The following INVS variants were observed in gnomAD, a reference collection of about 807,000 sequenced individuals.
INVS encodes inversin.
INVS carries 86 observed loss-of-function variants against 108.8 expected under a neutral mutation model. The ratio of observed to expected loss-of-function variants is 0.79; its 90% CI spans 0.66 to 0.95. The LOEUF (loss-of-function observed/expected upper bound fraction) is 0.95, where lower values mean the gene tolerates loss of function less well. Ranked by LOEUF, INVS falls within the 40% of genes least tolerant of loss-of-function variation. The probability of loss-of-function intolerance (pLI) is 0.00; values close to 1 mark genes in which losing one functional copy is unlikely to be tolerated. For missense variants in INVS, 1,169 were observed against 1,297.4 expected, an observed-to-expected ratio of 0.90 and a Z score of 1.52; for synonymous variants, 455 against 473.5, an observed-to-expected ratio of 0.96 and a Z score of 0.51.
intron 3 of INVS, among the ~76,000 whole-genome samples, chr9:100,210,135 G>T (rs1319340721): frequency 6.6e-6 from 1 of 152,164 alleles, no homozygotes; most frequent in Non-Finnish European, 1.5e-5. Flanking sequence ...TTACTACCGT[G>T]TGTCCTTACC....
Position 100,292,461 on chromosome 9 carries a change from G to A in INVS, c.2204G>A (p.Cys735Tyr), listed in dbSNP as rs375485537. Residue 735 changes from cysteine to tyrosine, a missense_variant, in exon 14 of 17, where the codon TGT becomes TAT. By Grantham distance (194) the Cys-to-Tyr change is radical. Around this residue, in one of 3 missense-constraint regions of INVS, gnomAD observed 533 missense variants for 536.0 expected, o/e 0.99. Transcript: ENST00000262457. Reference protein sequence around the residue: ...SRGETAGDERCAKGKGFVKQP... With the variant: ...SRGETAGDERYAKGKGFVKQP... ...GGTGAGACAGCTGGCGATGAGCGGT[G>A]TGCAAAGGGGAAAGGCTTCGTGAAG... 1.1e-5 allele frequency: 18 copies of A among 1,614,090 alleles called. No homozygotes were observed. Among genetic ancestry groups the A allele is most frequent in the Admixed American group, 3.3e-5 (2 of 60,010 alleles).
chr9:100,274,085 C>T (rs888967036), intron 12 of INVS, among the ~76,000 whole-genome samples: 4 of 152,110 alleles, frequency 2.6e-5, no homozygotes, highest in East Asian at 1.9e-4. Flanking sequence ...AAGCTGGGTG[C>T]GGTGGCTCAC....
At chr9:100,280,923 AC>A (rs559584639) in intron 12 of INVS, among the ~76,000 whole-genome samples, 1 of 152,308 alleles carries the variant, frequency 6.6e-6, no homozygotes. Flanking sequence ...CCTTGTCTCT[AC>A]AAAAATTTTT....
intron 3 of INVS, among the ~76,000 whole-genome samples, chr9:100,190,947 A>G (rs1349025675): frequency 6.6e-6 from 1 of 151,602 alleles, no homozygotes; most frequent in Non-Finnish European, 1.5e-5. Flanking sequence ...TGCAGCCTTG[A>G]CCTCCTGGGC....
chr9:100,208,170 G>C (rs1417975614), intron 3 of INVS, among the ~76,000 whole-genome samples: 2 of 152,172 alleles, frequency 1.3e-5, no homozygotes, highest in Admixed American at 6.5e-5. Context: ...GACAGATGAA[G>C]AGCAGTATAG....
At chr9:100,233,644 T>C (rs113002769) in intron 5 of INVS, among the ~76,000 whole-genome samples, 1 of 152,216 alleles carries the variant, frequency 6.6e-6, no homozygotes, top group South Asian at 2.1e-4. Context: ...GTTTTTGTCA[T>C]TGGTTCTGTT....
intron 7 of INVS, among the ~76,000 whole-genome samples, chr9:100,246,157 A>C (rs1832040080): frequency 6.6e-6 from 1 of 151,972 alleles, no homozygotes; most frequent in South Asian, 2.1e-4. Context: ...CCTCTCAAAA[A>C]AAAAAGAAAA....
At chr9:100,149,263 G>T (rs1391633431) in intron 3 of INVS, among the ~76,000 whole-genome samples, 1 of 152,186 alleles carries the variant, frequency 6.6e-6, no homozygotes. Flanking sequence ...GTTTTTGACT[G>T]TTGGTATGCT....
intron 2 of INVS, among the ~76,000 whole-genome samples, chr9:100,116,368 C>A (rs536384569): frequency 3.6e-4 from 55 of 152,184 alleles, no homozygotes; most frequent in African/African-American, 1.3e-3. Flanking sequence ...CTCTGCCTCC[C>A]AAAGTGCTGG....
At chr9:100,209,809 C>T (rs1355945846) in intron 3 of INVS, among the ~76,000 whole-genome samples, 1 of 148,978 alleles carries the variant, frequency 6.7e-6, no homozygotes, top group East Asian at 2.0e-4. Flanking sequence ...TTCAGTACTG[C>T]TTCAGAAGAC....
chr9:100,103,484 C>T (rs964527775), intron 1 of INVS, among the ~76,000 whole-genome samples: 7 of 151,810 alleles, frequency 4.6e-5, no homozygotes, highest in African/African-American at 1.2e-4. Flanking sequence ...AAAACTTAGC[C>T]GGTCGTGATG....
At chr9:100,169,602 A>T (rs564540380) in intron 3 of INVS, among the ~76,000 whole-genome samples, 2 of 152,214 alleles carry the variant, frequency 1.3e-5, no homozygotes, top group Admixed American at 1.3e-4. Context: ...AATTCAGTGC[A>T]TTGCTGTTGT....
rs1564198225 is a variant in INVS at position 100,301,724 on chromosome 9, A to T, written c.*1050A>T. 6.6e-6 allele frequency among the ~76,000 whole-genome samples: 1 copy of T among 152,128 alleles called. No individual in the cohort carries two copies. Among genetic ancestry groups the T allele is most frequent in the East Asian group, 1.9e-4 (1 of 5,200 alleles). On this transcript the variant is annotated 3_prime_UTR_variant, in exon 17 of 17. Coordinates refer to ENST00000262457, the MANE Select transcript of INVS (RefSeq NM_014425.5). The stretch of plus-strand genomic sequence containing the variant: ...TGGGGGTTGCTTTCATTTTCTTCAG[A>T]TCAGTGCCACTTCTGTGCTAACGGT...
At chr9:100,281,247 G>T (rs1407267226) in intron 12 of INVS, among the ~76,000 whole-genome samples, 7 of 152,104 alleles carry the variant, frequency 4.6e-5, no homozygotes, top group Non-Finnish European at 1.0e-4. Flanking sequence ...TGCAGCCTTG[G>T]GTAAGTCACT....
chr9:100,205,326 G>T (rs901115802), intron 3 of INVS, among the ~76,000 whole-genome samples: 1 of 152,044 alleles, frequency 6.6e-6, no homozygotes, highest in Admixed American at 6.6e-5. Context: ...TTAATCTGAT[G>T]CTCAGCCTTG....
chr9:100,141,355 T>A (rs1185042541), intron 3 of INVS, among the ~76,000 whole-genome samples: 3 of 152,186 alleles, frequency 2.0e-5, no homozygotes, highest in Non-Finnish European at 4.4e-5. Context: ...GGTGTGTTTT[T>A]AAAAGACCGT....
intron 3 of INVS, among the ~76,000 whole-genome samples, chr9:100,218,823 A>G (rs1299300368): frequency 6.6e-6 from 1 of 152,200 alleles, no homozygotes; most frequent in African/African-American, 2.4e-5. Flanking sequence ...GAAGCTACTC[A>G]CTAGCTCACT....
At chr9:100,276,071 C>T (rs751755284) in intron 12 of INVS, among the ~76,000 whole-genome samples, 2 of 152,090 alleles carry the variant, frequency 1.3e-5, no homozygotes, top group Non-Finnish European at 2.9e-5. Flanking sequence ...TAAATTATTC[C>T]ATCTCCACAC....
At chr9:100,238,570 A>G (rs1400882835) in intron 5 of INVS, among the ~76,000 whole-genome samples, 1 of 152,070 alleles carries the variant, frequency 6.6e-6, no homozygotes, top group African/African-American at 2.4e-5. Context: ...GTCTCCAATT[A>G]TATATCTTTT....
Sources: allele counts gnomAD v4.1 joint callset (sites outside exome capture counted in the v4.1 genomes callset), GRCh38; gene constraint gnomAD v4.1.1; regional missense constraint gnomAD v4.1.1; transcripts MANE v1.5; gene names NCBI Gene and HGNC (gene_info 2026-07-23, HGNC 2026-07-21).